BRD9: variants seen among roughly 807,000 people sequenced by gnomAD.
BRD9 encodes the protein bromodomain-containing protein 9.
In BRD9, 47 loss-of-function variants were observed where a neutral mutation model predicts 68.7. That is an observed-to-expected ratio of 0.68 (90% confidence interval 0.54 to 0.87). The LOEUF is 0.87. BRD9 is among the 40% of genes least tolerant of loss of function. BRD9 has a pLI of 0.00. For synonymous variants in BRD9, 313 were observed against 293.9 expected (o/e 1.06, Z -0.67); for missense variants, 670 against 748.4 (o/e 0.90, Z 1.22).
intron 4 of BRD9, 23 bp downstream of exon 4, chr5:889,564 T>G: frequency 6.2e-7 from 1 of 1,612,726 alleles, no homozygotes; most frequent in Non-Finnish European, 8.5e-7. Flanking sequence ...AGACACTAGC[T>G]CTTCAGAAAC....
chr5:872,421 C>A (rs753890998), intron 12 of BRD9, among the ~76,000 whole-genome samples: 3 of 152,182 alleles, frequency 2.0e-5, no homozygotes, highest in African/African-American at 7.2e-5. Flanking sequence ...CTAACTGGAA[C>A]CCAGAGAGGA....
rs1749236559 is a variant in BRD9, at chr5:865,404, G to T, written c.1693+10C>A. ...TCTCTGGGGATGCGGCGTGGGTGGG[G>T]GCATCTCACCCAGGTGGTGCTGGTC... is the stretch of plus-strand genomic sequence containing the variant. On this transcript the variant is annotated intron_variant, in intron 15 of 15. Transcript: ENST00000467963. The T allele has an allele frequency of 3.2e-6, 5 of 1,563,492 alleles. No homozygotes were observed. The African/African-American group carries it at 6.8e-5, about 21-fold the overall frequency.
At chr5:870,655 T>A in intron 13 of BRD9, 80 bp from the exon 14 acceptor site, 3 of 1,008,198 alleles carry the variant, frequency 3.0e-6, no homozygotes, top group Non-Finnish European at 4.6e-6. Flanking sequence ...GCTATTGAAA[T>A]CACTCTAATT....
chr5:868,342 C>T (rs978925641), intron 14 of BRD9, among the ~76,000 whole-genome samples: 4 of 152,234 alleles, frequency 2.6e-5, no homozygotes, highest in African/African-American at 9.6e-5. Context: ...CACCACAGCA[C>T]ATCAGCACCA....
intron 3 of BRD9, 29 bp downstream of exon 3, chr5:891,126 C>T (rs1753308209): frequency 1.3e-6 from 2 of 1,535,112 alleles, no homozygotes; most frequent in East Asian, 2.5e-5. Flanking sequence ...CTGTGAACAC[C>T]AGGAGAGTCT....
At chr5:881,018 C>CATGGCT (rs1751663137) in intron 9 of BRD9, 89 bp downstream of exon 9, 12 of 1,382,952 alleles carry the variant, frequency 8.7e-6, no homozygotes, top group South Asian at 7.3e-5. Flanking sequence ...GCCCCATGGC[C>CATGGCT]ATGGCTCAGC....
chr5:868,807 A>G (rs1294966070), intron 14 of BRD9: 2 of 153,348 alleles, frequency 1.3e-5, no homozygotes, highest in African/African-American at 4.8e-5. Context: ...CCCTTCCCCT[A>G]TAATAAATCA....
At chr5:874,085 G>A (rs996300565) in intron 12 of BRD9, among the ~76,000 whole-genome samples, 1 of 152,190 alleles carries the variant, frequency 6.6e-6, no homozygotes, top group Non-Finnish European at 1.5e-5. Flanking sequence ...GACATAACGC[G>A]AGCACACGCC....
At chr5:877,212 C>A (rs1039470952) in intron 11 of BRD9, among the ~76,000 whole-genome samples, 2 of 152,196 alleles carry the variant, frequency 1.3e-5, no homozygotes, top group African/African-American at 4.8e-5. Context: ...GAGCCGACTG[C>A]GGACAGGATG....
At chr5:892,259 G>A in intron 1 of BRD9, 1 of 466,684 alleles carries the variant, frequency 2.1e-6, no homozygotes, top group Non-Finnish European at 3.7e-6. Context: ...AGCTGCTGCG[G>A]GAGCAAGGGA....
At position 864,119 on chromosome 5, in the gene BRD9, C is replaced by G. The variant is rs1396174501; in HGVS notation, c.*349G>C. 1.1e-5 allele frequency: 2 copies of G among 175,520 alleles called. No homozygotes were observed. Among genetic ancestry groups the G allele is most frequent in the Non-Finnish European group, 2.5e-5 (2 of 81,276 alleles). 10.9% of individuals were successfully genotyped at this position (175,520 alleles called of 1,614,324 possible). Reference sequence around the variant, plus strand: ...CTGGCCACACACCCTTCGCGTATGACTCCACTCCTCAGGGTTCACGGGGCT... The same window carrying G: ...CTGGCCACACACCCTTCGCGTATGAGTCCACTCCTCAGGGTTCACGGGGCT... On this transcript the variant is annotated 3_prime_UTR_variant, in exon 16 of 16. Coordinates refer to ENST00000467963, the MANE Select transcript of BRD9 (RefSeq NM_023924.5).
chr5:880,561 C>T (rs73733939), intron 9 of BRD9, among the ~76,000 whole-genome samples: 5,707 of 152,122 alleles, frequency 0.038, 338 homozygotes, highest in African/African-American at 0.13. Context: ...ACGTTCCTCA[C>T]GCGAGCCCGC....
At chr5:872,675 C>G (rs1388096818) in intron 12 of BRD9, among the ~76,000 whole-genome samples, 5 of 152,190 alleles carry the variant, frequency 3.3e-5, no homozygotes, top group Non-Finnish European at 7.3e-5. Flanking sequence ...TGGCTGCAAC[C>G]CTCTCTTCAG....
chr5:877,376 C>T (rs989954634), intron 11 of BRD9, among the ~76,000 whole-genome samples: 2 of 152,336 alleles, frequency 1.3e-5, no homozygotes, highest in East Asian at 3.9e-4. Context: ...TCATTTTCCA[C>T]GTTTACTTCA....
chr5:880,992 G>C, intron 9 of BRD9, 115 bp downstream of exon 9: 1 of 1,080,018 alleles, frequency 9.3e-7, no homozygotes, highest in Non-Finnish European at 1.4e-6. Flanking sequence ...CGGGAAGCCG[G>C]GCAGCCTCTC....
chr5:887,551 C>A, intron 5 of BRD9, 80 bp from the exon 6 acceptor site: 2 of 1,063,678 alleles, frequency 1.9e-6, no homozygotes, highest in African/African-American at 1.6e-5. Context: ...ACCAAGAGAC[C>A]AAAAGGAAAA....
chr5:870,968 T>C (rs1435585740), intron 13 of BRD9, among the ~76,000 whole-genome samples: 1 of 152,080 alleles, frequency 6.6e-6, no homozygotes, highest in East Asian at 1.9e-4. Flanking sequence ...AGGCGTGTCC[T>C]CAGGGCTAGA....
chr5:874,107 GTTTT>G (rs1226992740), intron 12 of BRD9, among the ~76,000 whole-genome samples: 1 of 152,146 alleles, frequency 6.6e-6, no homozygotes, highest in Admixed American at 6.5e-5. Flanking sequence ...CGTTCTAAAT[GTTTT>G]TTTATCTTTT....
At chr5:889,885 A>G in intron 3 of BRD9, 1 of 667,476 alleles carries the variant, frequency 1.5e-6, no homozygotes, top group Non-Finnish European at 2.4e-6. Context: ...TAGCCCTTAC[A>G]TCAACAATAT....
Sources: gnomAD v4.1 joint callset for allele counts (sites outside exome capture counted in the v4.1 genomes callset) on GRCh38, gnomAD v4.1.1 for gene constraint, MANE v1.5 for transcripts, NCBI Gene and HGNC (gene_info 2026-07-23, HGNC 2026-07-21) for gene names.